Variants in MPRIP observed in about 807,000 individuals in gnomAD.
MPRIP encodes the protein myosin phosphatase Rho interacting protein.
MPRIP carries 59 observed loss-of-function variants against 234.9 expected under a neutral mutation model. That is an observed-to-expected ratio of 0.25 (90% CI 0.20 to 0.31). The LOEUF (loss-of-function observed/expected upper bound fraction) is 0.31, where lower values mean the gene tolerates loss of function less well. Among genes scored for constraint, MPRIP ranks in the 10% least tolerant of loss-of-function variants. The pLI, the probability that MPRIP is intolerant of heterozygous loss-of-function variation, is 1.00. For synonymous variants in MPRIP, 1,144 were observed against 1,263.9 expected, an observed-to-expected ratio of 0.91 and a Z score of 2.01; for missense variants, 2,436 against 3,071.0, an observed-to-expected ratio of 0.79 and a Z score of 4.89.
At position 17,136,057 on chromosome 17, in the gene MPRIP, C is replaced by G. The variant is rs2090688699; in HGVS notation, c.505-162C>G. On this transcript the variant is annotated intron_variant, in intron 5 of 23. Coordinates refer to ENST00000651222, the MANE Select transcript of MPRIP (RefSeq NM_001364716.4). Reference sequence around the variant, plus strand: ...CTAGGAATGACAGACTCCAAAGCAACTACTGTGGTCTCACTGTTTTGGGGC... The same window carrying G: ...CTAGGAATGACAGACTCCAAAGCAAGTACTGTGGTCTCACTGTTTTGGGGC... 2.0e-5 allele frequency among the ~76,000 whole-genome samples: 3 copies of G among 152,246 alleles called. No individual in the cohort carries two copies. The South Asian group carries it at 6.2e-4, about 32-fold the overall frequency.
intron 23 of MPRIP, among the ~76,000 whole-genome samples, chr17:17,183,722 C>G (rs1238643605): frequency 6.6e-6 from 1 of 152,176 alleles, no homozygotes; most frequent in South Asian, 2.1e-4. Context: ...ATGCTCAGTC[C>G]CCAGTCTATC....
intron 9 of MPRIP, among the ~76,000 whole-genome samples, chr17:17,145,590 C>T (rs1292493421): frequency 2.0e-5 from 3 of 152,224 alleles, no homozygotes; most frequent in Admixed American, 2.0e-4. Flanking sequence ...TCCTCAACAC[C>T]GCACGTCTCT....
Position 17,137,940 on chromosome 17 carries a change from G to T in MPRIP, c.761G>T (p.Arg254Leu). The stretch of plus-strand genomic sequence containing the variant: ...GAGGAGAGCGCCATGAGTAGCGACC[G>T]CATGGACTGTGGCCGCAAAGTCCGG... The part of the protein sequence containing the change: ...KEEESAMSSD[R>L]MDCGRKVRVE... Residue 254 changes from arginine to leucine, a missense_variant, in exon 7 of 24, where the codon CGC becomes CTC. Transcript: ENST00000651222. 1.2e-6 allele frequency: 2 copies of T among 1,610,620 alleles called. No homozygotes were observed. Among genetic ancestry groups the T allele is most frequent in the Non-Finnish European group, 1.7e-6 (2 of 1,178,462 alleles).
intron 9 of MPRIP, among the ~76,000 whole-genome samples, chr17:17,144,171 C>G (rs1439529783): frequency 6.6e-6 from 1 of 152,218 alleles, no homozygotes; most frequent in South Asian, 2.1e-4. Flanking sequence ...AAGGCCAACT[C>G]AGCATGCTGA....
chr17:17,094,966 T>G (rs1468728350), intron 3 of MPRIP, among the ~76,000 whole-genome samples: 2 of 152,118 alleles, frequency 1.3e-5, no homozygotes. Context: ...CTCCTGTTAT[T>G]TGGCTATTAC....
chr17:17,151,023 T>C (rs1283586209), intron 12 of MPRIP, among the ~76,000 whole-genome samples: 2 of 150,130 alleles, frequency 1.3e-5, no homozygotes, highest in East Asian at 1.9e-4. Flanking sequence ...TTATTATTAT[T>C]ATTATTATTA....
chr17:17,042,668 C>G lies in MPRIP; in HGVS notation c.-181C>G. On this transcript the variant is annotated 5_prime_UTR_variant, in exon 1 of 24. Transcript: ENST00000651222. ...TGGGCGTCGCGCGCGCTGTGAGGCCCGGGCGGCTCAGGAGCCTCGGCGCGT... is the reference window on the plus strand; with the variant it reads ...TGGGCGTCGCGCGCGCTGTGAGGCCGGGGCGGCTCAGGAGCCTCGGCGCGT... The G allele has an allele frequency of 1.8e-6, 1 of 570,198 alleles. No homozygotes were observed. The highest frequency in any genetic ancestry group is 2.2e-6 in the Non-Finnish European group (1 of 453,354). 35.3% of individuals were successfully genotyped at this position (570,198 alleles called of 1,614,324 possible).
intron 19 of MPRIP, among the ~76,000 whole-genome samples, chr17:17,174,955 C>T (rs1008066819): frequency 1.3e-5 from 2 of 152,172 alleles, no homozygotes; most frequent in Admixed American, 1.3e-4. Context: ...GCACAAACAC[C>T]CCCTGGGGCT....
intron 14 of MPRIP, among the ~76,000 whole-genome samples, chr17:17,159,965 A>G (rs1186785295): frequency 1.3e-5 from 2 of 152,258 alleles, no homozygotes; most frequent in Non-Finnish European, 2.9e-5. Flanking sequence ...CAAAGGCAAG[A>G]TGAAATAAAA....
chr17:17,160,132 G>A (rs1390537407), intron 14 of MPRIP, among the ~76,000 whole-genome samples: 1 of 152,186 alleles, frequency 6.6e-6, no homozygotes, highest in Non-Finnish European at 1.5e-5. Flanking sequence ...ACTTTGGGAG[G>A]CCGAGGCGGG....
At chr17:17,070,176 A>AT (rs906715479) in intron 1 of MPRIP, among the ~76,000 whole-genome samples, 40 of 151,430 alleles carry the variant, frequency 2.6e-4, no homozygotes, top group African/African-American at 7.5e-4. Flanking sequence ...TGCTTTTGAG[A>AT]TTTTTTTTCT....
chr17:17,138,294 T>G lies in MPRIP; in HGVS notation c.1115T>G (p.Leu372Arg). ...AFKASRQYAT[L>R]ADVPKAIRIS... The stretch of plus-strand genomic sequence containing the variant: ...AAAGCCAGCAGGCAATATGCCACCC[T>G]GGCCGACGTCCCTAAGGCCATCAGG... Residue 372 changes from leucine (L) to arginine (R), a missense_variant, in exon 7 of 24, where the codon CTG becomes CGG. Around this residue, in one of 4 missense-constraint regions of MPRIP, gnomAD observed 267 missense variants for 252.7 expected, o/e 1.06. Transcript: ENST00000651222. The surrounding 1 kb of genome is among the most constrained non-coding windows in gnomAD (Gnocchi z 5.8). 1 of 432,796 alleles carries G rather than the reference T, an allele frequency of 2.3e-6. No individual in the cohort carries two copies. The highest frequency in any genetic ancestry group is 4.4e-5 in the South Asian group (1 of 22,590). 26.8% of individuals were successfully genotyped at this position (432,796 alleles called of 1,614,324 possible).
chr17:17,119,559 T>G (rs1377125782), intron 3 of MPRIP, among the ~76,000 whole-genome samples: 1 of 152,160 alleles, frequency 6.6e-6, no homozygotes, highest in Non-Finnish European at 1.5e-5. Context: ...CATTTGAAAG[T>G]CAGAACAATG....
rs182897125 is a variant in MPRIP, at chr17:17,129,704, C to T, written c.420-1913C>T. On this transcript the variant is annotated intron_variant, in intron 4 of 23. Coordinates refer to ENST00000651222, the MANE Select transcript of MPRIP (RefSeq NM_001364716.4). ...TCTCCCCTCCCCTCCAGGTTCCATCCTGCAAGGCCATTAGTCATTGCTGAC... is the reference window on the plus strand; with the variant it reads ...TCTCCCCTCCCCTCCAGGTTCCATCTTGCAAGGCCATTAGTCATTGCTGAC... Among the ~76,000 whole-genome samples, 320 of 152,294 alleles carry T rather than the reference C, an allele frequency of 2.1e-3. 4 individuals carry two copies. The highest frequency in any genetic ancestry group is 0.02 in the Admixed American group (303 of 15,308).
In MPRIP at chr17:17,166,949, G is replaced by A; in HGVS notation, c.5358G>A (p.Leu1786=). ...TTCAGGAGGAGCTTGCCCAGCAGCT[G>A]AAGGAGAAGGCCAGCCTCTTAGAGG... The part of the protein sequence containing the change: ...VAIQEELAQQ[L]KEKASLLEEI... Residue 1786 remains leucine, a synonymous_variant, in exon 16 of 24, where the codon CTG becomes CTA. Transcript: ENST00000651222. This position sits in a 1 kb window ranked among gnomAD's most constrained non-coding sequence, Gnocchi z 4.4. The A allele has an allele frequency of 2.3e-6, 3 of 1,304,248 alleles. No homozygotes were observed. Among genetic ancestry groups the A allele is most frequent in the Non-Finnish European group, 3.0e-6 (3 of 988,958 alleles). 80.8% of individuals were successfully genotyped at this position (1,304,248 alleles called of 1,614,324 possible). A position where few individuals can be genotyped will look rare whatever the true frequency, so the allele number is the denominator to read the frequency against.
chr17:17,180,487 G>T, intron 23 of MPRIP: 1 of 905,556 alleles, frequency 1.1e-6, no homozygotes. Context: ...CCAGGAAGCA[G>T]TACATCTTTA....
At chr17:17,072,210 G>C (rs562540785) in intron 1 of MPRIP, among the ~76,000 whole-genome samples, 1 of 152,334 alleles carries the variant, frequency 6.6e-6, no homozygotes, top group African/African-American at 2.4e-5. Flanking sequence ...CTGAGACATA[G>C]AGAAGCAGCA....
chr17:17,112,055 G>A (rs1276856160), intron 3 of MPRIP, among the ~76,000 whole-genome samples: 1 of 152,290 alleles, frequency 6.6e-6, no homozygotes, highest in Non-Finnish European at 1.5e-5. Context: ...CGAGGTGTGC[G>A]GGTGCTGTGG....
chr17:17,173,620 CAGAAG>C (rs201127516), intron 18 of MPRIP, among the ~76,000 whole-genome samples: 2,774 of 152,348 alleles, frequency 0.018, 53 homozygotes, highest in Middle Eastern at 0.048. Flanking sequence ...AATTCTGAGT[CAGAAG>C]AGAGTTCTAG....
Sources: allele counts gnomAD v4.1 joint callset (sites outside exome capture counted in the v4.1 genomes callset), GRCh38; gene constraint gnomAD v4.1.1; regional missense constraint gnomAD v4.1.1; non-coding constraint Gnocchi (gnomAD v3.1); transcripts MANE v1.5; gene names NCBI Gene and HGNC (gene_info 2026-07-23, HGNC 2026-07-21).